The following NPIPA5 variants were observed in gnomAD, a reference collection of about 807,000 sequenced individuals.
NPIPA5 encodes the protein nuclear pore complex-interacting protein family member A5.
NPIPA5 carries 6 observed loss-of-function variants against 21.4 expected under a neutral mutation model. The observed-to-expected ratio is 0.28, with a 90% CI of 0.15 to 0.55. The LOEUF is 0.55. NPIPA5 is among the 20% of genes least tolerant of loss of function. NPIPA5 has a pLI of 0.93. For missense variants in NPIPA5, 99 were observed against 318.2 expected, an observed-to-expected ratio of 0.31 and a Z score of 5.24; for synonymous variants, 33 against 115.3, an observed-to-expected ratio of 0.29 and a Z score of 4.57.
At chr16:15,372,381 A>G (rs2050180369) in intron 2 of NPIPA5, among the ~76,000 whole-genome samples, 1 of 147,600 alleles carries the variant, frequency 6.8e-6, no homozygotes, top group Non-Finnish European at 1.5e-5. Flanking sequence ...GCTACTTGAG[A>G]GGCTGAGGCA....
At chr16:15,369,073 A>G (rs1227905183) in intron 4 of NPIPA5, among the ~76,000 whole-genome samples, 1 of 149,590 alleles carries the variant, frequency 6.7e-6, no homozygotes, top group Non-Finnish European at 1.5e-5. Context: ...AATTGCTTCA[A>G]ACTGGGAGGC....
chr16:15,368,511 A>C (rs1357640065), intron 4 of NPIPA5, among the ~76,000 whole-genome samples: 3 of 152,032 alleles, frequency 2.0e-5, no homozygotes, highest in East Asian at 1.9e-4. Context: ...AATACAATGT[A>C]ATATGACCAA....
chr16:15,367,226 C>T (rs753297118), intron 4 of NPIPA5, among the ~76,000 whole-genome samples: 12 of 152,108 alleles, frequency 7.9e-5, no homozygotes, highest in Non-Finnish European at 1.6e-4. Context: ...AGGCTGATGC[C>T]GGAACTGAGA....
chr16:15,370,384 C>T (rs2050118527), intron 2 of NPIPA5, among the ~76,000 whole-genome samples: 1 of 139,232 alleles, frequency 7.2e-6, no homozygotes, highest in African/African-American at 2.6e-5. Context: ...CGAGATCACA[C>T]CACTGCACTC....
chr16:15,372,054 G>T (rs1446215346), intron 2 of NPIPA5, among the ~76,000 whole-genome samples: 2 of 148,252 alleles, frequency 1.3e-5, no homozygotes, highest in Non-Finnish European at 3.0e-5. Flanking sequence ...ACACATGAAT[G>T]CTTCATGACA....
Position 15,376,746 on chromosome 16 carries a change from C to G in NPIPA5, c.63+1486G>C, listed in dbSNP as rs567887149. Among the ~76,000 whole-genome samples, 8 of 152,236 alleles carry G rather than the reference C, an allele frequency of 5.3e-5. No homozygotes were observed. The South Asian group carries it at 6.2e-4, about 12-fold the overall frequency. On this transcript the variant is annotated intron_variant, in intron 1 of 7. Transcript: ENST00000360151. ...CCTGGCGAACATGGTGAAACCCAGT[C>G]TCTACTAAAAATACAAAAATTAGCC... is the stretch of plus-strand genomic sequence containing the variant.
chr16:15,375,559 C>T (rs1209969120), intron 1 of NPIPA5, among the ~76,000 whole-genome samples: 6 of 149,768 alleles, frequency 4.0e-5, no homozygotes, highest in Admixed American at 2.0e-4. Flanking sequence ...CTAGCTAACA[C>T]GGTGAAACCC....
chr16:15,370,626 C>T (rs2050128220), intron 2 of NPIPA5, among the ~76,000 whole-genome samples: 1 of 142,850 alleles, frequency 7.0e-6, no homozygotes, highest in African/African-American at 2.5e-5. Flanking sequence ...TGGTGCATGC[C>T]TGTAATCCCA....
rs78447503 is a variant in NPIPA5, at chr16:15,366,929, T to A, written c.438-169A>T. Among the ~76,000 whole-genome samples the A allele has an allele frequency of 1.2e-4, 17 of 146,670 alleles. No individual in the cohort carries two copies. In the East Asian group the frequency reaches 3.0e-3, roughly 26 times the overall value. ...AGAATGGACACCTCCCATTGAGGGA[T>A]AAAAAAAAATCACACTCTGGCCTGC... is the stretch of plus-strand genomic sequence containing the variant. On this transcript the variant is annotated intron_variant, in intron 4 of 7. Transcript: ENST00000360151.
intron 2 of NPIPA5, among the ~76,000 whole-genome samples, chr16:15,373,468 G>A (rs1784988392): frequency 6.8e-6 from 1 of 146,222 alleles, no homozygotes; most frequent in Admixed American, 7.1e-5. Context: ...GTGACAAATA[G>A]CACAAAGGTT....
chr16:15,368,303 C>T (rs1414642341), intron 4 of NPIPA5, among the ~76,000 whole-genome samples: 1 of 151,316 alleles, frequency 6.6e-6, no homozygotes, highest in South Asian at 2.1e-4. Context: ...ACAGGAAATA[C>T]CCTGGCCTTT....
intron 2 of NPIPA5, among the ~76,000 whole-genome samples, chr16:15,370,394 C>T (rs1240052970): frequency 7.4e-6 from 1 of 135,214 alleles, no homozygotes; most frequent in Non-Finnish European, 1.6e-5. Context: ...CCACTGCACT[C>T]CAGCCTGAGT....
chr16:15,372,368 C>T (rs2150868921), intron 2 of NPIPA5, among the ~76,000 whole-genome samples: 1 of 147,786 alleles, frequency 6.8e-6, no homozygotes, highest in Admixed American at 7.1e-5. Flanking sequence ...ACCTGTAATC[C>T]CAGCTACTTG....
At chr16:15,378,933 C>T (rs1382517145), upstream of NPIPA5, among the ~76,000 whole-genome samples, 2 of 137,370 alleles carry the variant, frequency 1.5e-5, no homozygotes, top group Non-Finnish European at 3.1e-5. Context: ...AGGTATTTGC[C>T]CACAATACCC....
chr16:15,366,954 C>T (rs375353246), intron 4 of NPIPA5, among the ~76,000 whole-genome samples, 194 bp from the exon 5 acceptor site: 316 of 152,198 alleles, frequency 2.1e-3, no homozygotes, highest in Non-Finnish European at 3.5e-3. Context: ...CTCTGGCCTG[C>T]TGGCAAGTCA....
intron 4 of NPIPA5, among the ~76,000 whole-genome samples, chr16:15,369,169 A>G (rs1433882829): frequency 6.7e-6 from 1 of 148,680 alleles, no homozygotes; most frequent in Non-Finnish European, 1.5e-5. Context: ...AAAAAAAAAA[A>G]AAAAGCCTGG....
chr16:15,377,623 T>C (rs1490890337), intron 1 of NPIPA5, among the ~76,000 whole-genome samples: 15 of 73,662 alleles, frequency 2.0e-4, no homozygotes, highest in Non-Finnish European at 2.9e-4. Flanking sequence ...CGGATCTGAG[T>C]TGGGGAGGGG....
chr16:15,371,770 TG>T lies in NPIPA5; in HGVS notation c.193-1652del, dbSNP rs1387513549. The stretch of plus-strand genomic sequence containing the variant: ...CACCTGCCTCAGCCTCCCAAAGTGC[TG>T]GGATTACAGGCATGAGCCACCACAC... On this transcript the variant is annotated intron_variant, in intron 2 of 7. Transcript: ENST00000360151. Among the ~76,000 whole-genome samples, 34 of 142,400 alleles carry T rather than the reference TG, an allele frequency of 2.4e-4. 2 individuals are homozygous for T. Among genetic ancestry groups the T allele is most frequent in the Non-Finnish European group, 9.2e-5 (6 of 65,170 alleles). The allele number at this position is 142,400 out of a possible 152,430, so 93.4% of individuals were successfully genotyped here.
intron 1 of NPIPA5, among the ~76,000 whole-genome samples, chr16:15,377,730 A>AGG (rs2050345282): frequency 1.7e-5 from 2 of 118,610 alleles, no homozygotes; most frequent in African/African-American, 3.0e-5. Flanking sequence ...GGAGGAGGAG[A>AGG]AGAAAGGGGT....
Sources: allele counts gnomAD v4.1 joint callset (sites outside exome capture counted in the v4.1 genomes callset), GRCh38; gene constraint gnomAD v4.1.1; transcripts MANE v1.5; gene names NCBI Gene and HGNC (gene_info 2026-07-23, HGNC 2026-07-21).